Variants in ARHGAP15 observed in about 807,000 individuals in gnomAD.
ARHGAP15 encodes rho GTPase-activating protein 15.
ARHGAP15 carries 51 observed loss-of-function variants against 63.7 expected under a neutral mutation model. The ratio of observed to expected loss-of-function variants is 0.80; its 90% confidence interval spans 0.64 to 1.01. ARHGAP15 has a LOEUF of 1.01. Ranked by LOEUF, ARHGAP15 falls within the 50% of genes least tolerant of loss-of-function variation. The probability of loss-of-function intolerance (pLI) is 0.00; values close to 1 mark genes in which losing one functional copy is unlikely to be tolerated. For missense variants in ARHGAP15, 560 were observed against 564.6 expected (o/e 0.99, Z 0.08); for synonymous variants, 191 against 193.8 (o/e 0.99, Z 0.12).
chr2:143,397,727 T>A (rs4662204), intron 6 of ARHGAP15, among the ~76,000 whole-genome samples: 122,700 of 152,086 alleles, frequency 0.81, 49,742 homozygotes, highest in East Asian at 0.94. Flanking sequence ...CTATACCTGA[T>A]AAGGTGCTGG....
rs150970202 is a variant in ARHGAP15 at position 143,614,453 on chromosome 2, G to A, written c.1004-9680G>A. On this transcript the variant is annotated intron_variant, in intron 11 of 13. Transcript: ENST00000295095. ...ATAAGTGAATGAATAACCTACTTAT[G>A]TCTTCAGTATTTGTTAAGTGTTTTG... 2.2e-4 allele frequency among the ~76,000 whole-genome samples: 34 copies of A among 152,204 alleles called. No individual in the cohort carries two copies. The East Asian group carries it at 6.0e-3, about 27-fold the overall frequency.
At chr2:143,519,221 C>T (rs371405638) in intron 9 of ARHGAP15, 45 bp from the exon 10 acceptor site, 37 of 1,409,810 alleles carry the variant, frequency 2.6e-5, no homozygotes, top group African/African-American at 5.7e-5. Flanking sequence ...TAAAGAACAA[C>T]GCAAGCTTGG....
rs539553779 is a variant in ARHGAP15, at chr2:143,585,579, G to C, written c.1003+29094G>C. 8.4e-4 allele frequency among the ~76,000 whole-genome samples: 128 copies of C among 152,004 alleles called. 1 individual carries two copies. The highest frequency in any genetic ancestry group is 2.0e-3 in the Admixed American group (30 of 15,258). On this transcript the variant is annotated intron_variant, in intron 11 of 13. Transcript: ENST00000295095. ...TTTAGTTCTACTTGAATTTTAAGAA[G>C]AAAAAGAAATTAAATGAACTTGAAA...
chr2:143,634,865 G>A lies in ARHGAP15; in HGVS notation c.1138+10598G>A, dbSNP rs564131484. On this transcript the variant is annotated intron_variant, in intron 12 of 13. Coordinates refer to ENST00000295095, the MANE Select transcript of ARHGAP15 (RefSeq NM_018460.4). ...CCTACCACTTTATTATAGAACTTAC[G>A]CCTTTATCATAACCCAAATGCTATC... 8.4e-4 allele frequency among the ~76,000 whole-genome samples: 127 copies of A among 151,944 alleles called. 1 individual carries two copies. The highest frequency in any genetic ancestry group is 7.3e-3 in the South Asian group (35 of 4,800).
chr2:143,184,051 T>A (rs191470315), intron 2 of ARHGAP15, among the ~76,000 whole-genome samples: 303 of 152,312 alleles, frequency 2.0e-3, no homozygotes, highest in Admixed American at 3.0e-3. Context: ...CAGAAACACG[T>A]AACCTGAAAT....
chr2:143,131,008 G>T (rs1184801076), intron 1 of ARHGAP15, among the ~76,000 whole-genome samples: 1 of 152,076 alleles, frequency 6.6e-6, no homozygotes, highest in African/African-American at 2.4e-5. Flanking sequence ...GAATGAATAT[G>T]CAGATAAACA....
At chr2:143,495,554 G>C (rs185268114) in intron 9 of ARHGAP15, among the ~76,000 whole-genome samples, 1 of 152,066 alleles carries the variant, frequency 6.6e-6, no homozygotes, top group African/African-American at 2.4e-5. Context: ...TAAGGTGTCT[G>C]CCATAAAAGA....
chr2:143,198,284 A>G (rs1195137536), intron 2 of ARHGAP15, among the ~76,000 whole-genome samples: 2 of 152,010 alleles, frequency 1.3e-5, no homozygotes, highest in African/African-American at 4.8e-5. Flanking sequence ...CTCAATTTGC[A>G]TTCTTATTTG....
chr2:143,459,428 A>G (rs1018749113), intron 8 of ARHGAP15, among the ~76,000 whole-genome samples: 24 of 152,170 alleles, frequency 1.6e-4, no homozygotes, highest in Admixed American at 6.6e-5. Flanking sequence ...TCATTTAAAA[A>G]TAAAACTAAA....
intron 6 of ARHGAP15, among the ~76,000 whole-genome samples, chr2:143,357,356 T>A (rs545026789): frequency 1.0e-5 from 1 of 96,054 alleles, no homozygotes; most frequent in South Asian, 2.7e-4. Context: ...TATGGAAATC[T>A]TTTTTTTTTT....
intron 6 of ARHGAP15, among the ~76,000 whole-genome samples, chr2:143,330,122 AAAAAAAAAACCAAAAAC>A (rs1684467202): frequency 3.7e-5 from 3 of 81,390 alleles, no homozygotes; most frequent in Admixed American, 1.5e-4. Context: ...AAAAAAAAAA[AAAAAAAAAACCAAAAAC>A]AAAAAACTAA....
At chr2:143,708,163 AG>A (rs1684416066) in intron 13 of ARHGAP15, among the ~76,000 whole-genome samples, 1 of 152,222 alleles carries the variant, frequency 6.6e-6, no homozygotes, top group Non-Finnish European at 1.5e-5. Flanking sequence ...CATCTGTCAA[AG>A]GGAGATTATA....
intron 2 of ARHGAP15, among the ~76,000 whole-genome samples, chr2:143,172,528 T>C (rs1003027129): frequency 2.0e-5 from 3 of 152,088 alleles, no homozygotes; most frequent in African/African-American, 7.2e-5. Context: ...TGGCTTGTGC[T>C]AGATTGGTTG....
intron 12 of ARHGAP15, among the ~76,000 whole-genome samples, chr2:143,699,815 A>T (rs1318576259): frequency 6.6e-6 from 1 of 152,222 alleles, no homozygotes; most frequent in Non-Finnish European, 1.5e-5. Context: ...GTGAACATTT[A>T]TATAGTACTT....
intron 10 of ARHGAP15, among the ~76,000 whole-genome samples, chr2:143,541,207 T>A (rs1695032196): frequency 6.6e-6 from 1 of 152,228 alleles, no homozygotes; most frequent in South Asian, 2.1e-4. Flanking sequence ...GTAGTTCTTG[T>A]GCCATGGTTT....
rs1682838173 is a variant in ARHGAP15 at position 143,300,311 on chromosome 2, GGAA to G, written c.474+49715_474+49717del. Among the ~76,000 whole-genome samples, 4 of 152,062 alleles carry G rather than the reference GGAA, an allele frequency of 2.6e-5. No homozygotes were observed. The South Asian group carries it at 8.3e-4, about 32-fold the overall frequency. On this transcript the variant is annotated intron_variant, in intron 6 of 13. Coordinates refer to ENST00000295095, the MANE Select transcript of ARHGAP15 (RefSeq NM_018460.4). ...TCAGGATCAGGTGTGGCCTTGGTGAGGAAGAATTAATTGCTAATACTATATATA... is the reference window on the plus strand; with the variant it reads ...TCAGGATCAGGTGTGGCCTTGGTGAGGAATTAATTGCTAATACTATATATA...
At chr2:143,368,826 G>A (rs1402499543) in intron 6 of ARHGAP15, among the ~76,000 whole-genome samples, 9 of 151,980 alleles carry the variant, frequency 5.9e-5, no homozygotes, top group African/African-American at 1.4e-4. Context: ...GCTGTGAAAT[G>A]GCTATTAAGT....
intron 12 of ARHGAP15, among the ~76,000 whole-genome samples, chr2:143,667,426 C>T (rs4662346): frequency 1.3e-5 from 1 of 78,610 alleles, no homozygotes; most frequent in Non-Finnish European, 2.3e-5. Flanking sequence ...GTGGTGGGGT[C>T]GGGGGAGGGG....
intron 8 of ARHGAP15, among the ~76,000 whole-genome samples, chr2:143,460,081 C>G (rs1461867008): frequency 6.6e-6 from 1 of 152,108 alleles, no homozygotes; most frequent in Non-Finnish European, 1.5e-5. Flanking sequence ...CTAAGTAATA[C>G]AGTGATCATG....
Sources: allele counts gnomAD v4.1 joint callset (sites outside exome capture counted in the v4.1 genomes callset), GRCh38; gene constraint gnomAD v4.1.1; transcripts MANE v1.5; gene names NCBI Gene and HGNC (gene_info 2026-07-23, HGNC 2026-07-21).